SKI: variants seen among roughly 807,000 people sequenced by gnomAD.
The protein encoded by SKI is SKI proto-oncogene.
In SKI, 23 loss-of-function variants were observed where a neutral mutation model predicts 59.3. The observed-to-expected ratio is 0.39, with a 90% CI of 0.28 to 0.55. The LOEUF is 0.55. SKI is among the 20% of genes least tolerant of loss of function. The probability of loss-of-function intolerance (pLI) is 0.67; values close to 1 mark genes in which losing one functional copy is unlikely to be tolerated. For synonymous variants in SKI, 673 were observed against 488.6 expected (o/e 1.38, Z -4.98); for missense variants, 1,017 against 1,038.9 (o/e 0.98, Z 0.29).
rs1255283106 is a variant in SKI, at chr1:2,308,080, C to T, written c.*1315C>T. The T allele has an allele frequency of 6.6e-6, 1 of 152,368 alleles. No homozygotes were observed. Among genetic ancestry groups the T allele is most frequent in the Non-Finnish European group, 1.5e-5 (1 of 68,032 alleles). The allele number at this position is 152,368 out of a possible 1,614,324, so 9.4% of individuals were successfully genotyped here. On this transcript the variant is annotated 3_prime_UTR_variant, in exon 7 of 7. Coordinates refer to ENST00000378536, the MANE Select transcript of SKI (RefSeq NM_003036.4). Reference sequence around the variant, plus strand: ...TGTTTATGCAAATTGTATAAGGTTTCTTATGCCCAAGCTTGAAAAATGATT... The same window carrying T: ...TGTTTATGCAAATTGTATAAGGTTTTTTATGCCCAAGCTTGAAAAATGATT...
chr1:2,304,461 C>T lies in SKI; in HGVS notation c.1643C>T (p.Ala548Val). Residue 548 changes from alanine to valine, a missense_variant, in exon 5 of 7, where the codon GCA becomes GTA. Coordinates refer to ENST00000378536, the MANE Select transcript of SKI (RefSeq NM_003036.4). The stretch of plus-strand genomic sequence containing the variant: ...GCGGAGCTGGAGCACCTGCGGCAGG[C>T]ACTGGAGGGCGGCCTGGACACCAAG... Reference protein sequence around the residue: ...LEAELEHLRQALEGGLDTKEA... With the variant: ...LEAELEHLRQVLEGGLDTKEA... 1 of 1,569,018 alleles carries T rather than the reference C, an allele frequency of 6.4e-7. No individual in the cohort carries two copies. The highest frequency in any genetic ancestry group is 8.6e-7 in the Non-Finnish European group (1 of 1,158,438).
intron 1 of SKI, among the ~76,000 whole-genome samples, chr1:2,230,564 C>T (rs1638612448): frequency 6.6e-6 from 1 of 152,146 alleles, no homozygotes; most frequent in African/African-American, 2.4e-5. Context: ...GAGGGGTGCG[C>T]CGGAGAGGGA....
At chr1:2,230,030 C>T (rs919848964) in intron 1 of SKI, among the ~76,000 whole-genome samples, 1 of 152,194 alleles carries the variant, frequency 6.6e-6, no homozygotes, top group African/African-American at 2.4e-5. Flanking sequence ...AGGCATTGCC[C>T]AGATAGGAAG....
At position 2,301,578 on chromosome 1, in the gene SKI, A is replaced by G. The variant is rs1038047749; in HGVS notation, c.970-1400A>G. On this transcript the variant is annotated intron_variant, in intron 1 of 6. Transcript: ENST00000378536. The stretch of plus-strand genomic sequence containing the variant: ...TCTTCCCCCAGGGCCCTCCATCCCC[A>G]TAATTGGAGCACCTTGATGGACAGC... 2.7e-5 allele frequency among the ~76,000 whole-genome samples: 4 copies of G among 150,528 alleles called. No individual in the cohort carries two copies. In the East Asian group the frequency reaches 7.8e-4, roughly 30 times the overall value.
chr1:2,246,330 C>G (rs1413253926), intron 1 of SKI, among the ~76,000 whole-genome samples: 2 of 152,156 alleles, frequency 1.3e-5, no homozygotes, highest in African/African-American at 4.8e-5. Context: ...CTCCTATATC[C>G]TCTTTGAGGA....
intron 1 of SKI, among the ~76,000 whole-genome samples, chr1:2,273,367 GTCCCTA>G (rs1336044996): frequency 2.0e-5 from 3 of 152,294 alleles, no homozygotes; most frequent in Admixed American, 2.0e-4. Flanking sequence ...CAGCTGTGGG[GTCCCTA>G]TCCTGGTCAG....
chr1:2,271,968 T>A (rs1291826871), intron 1 of SKI, among the ~76,000 whole-genome samples: 1 of 152,164 alleles, frequency 6.6e-6, no homozygotes, highest in African/African-American at 2.4e-5. Context: ...GGCCACTGGC[T>A]GCTTTCTCGC....
chr1:2,254,929 G>C (rs1227905681), intron 1 of SKI, among the ~76,000 whole-genome samples: 1 of 152,194 alleles, frequency 6.6e-6, no homozygotes, highest in Non-Finnish European at 1.5e-5. Context: ...CTGTGCACTT[G>C]GGTGCAGGTG....
At chr1:2,242,686 A>T (rs1351930382) in intron 1 of SKI, among the ~76,000 whole-genome samples, 2 of 151,796 alleles carry the variant, frequency 1.3e-5, no homozygotes, top group Middle Eastern at 3.2e-3. Context: ...CGCCTGGCGG[A>T]TATTTTTTTT....
chr1:2,303,888 C>A lies in SKI; in HGVS notation c.1260C>A (p.Ala420=). 6.2e-7 allele frequency: 1 copy of A among 1,612,394 alleles called. No individual in the cohort carries two copies. The highest frequency in any genetic ancestry group is 2.2e-5 in the East Asian group (1 of 44,864). ...SFETAVAPNV[A]LAPPAQQKVV... ...AGACAGCCGTGGCGCCCAACGTGGC[C>A]CTCGCACCGCCGGCCCAGCAGAAGG... The change falls in exon 4 of 7, where the codon GCC becomes GCA. Residue 420 remains alanine, a synonymous_variant. Transcript: ENST00000378536. This position sits in a 1 kb window ranked among gnomAD's most constrained non-coding sequence, Gnocchi z 5.6.
intron 1 of SKI, among the ~76,000 whole-genome samples, chr1:2,249,478 T>C (rs1312096723): frequency 1.3e-5 from 2 of 152,236 alleles, no homozygotes; most frequent in Non-Finnish European, 2.9e-5. Flanking sequence ...TCTCTGCCTT[T>C]GGTGGTCCCG....
chr1:2,263,584 TTTC>T (rs1050319040), intron 1 of SKI, among the ~76,000 whole-genome samples: 6 of 152,184 alleles, frequency 3.9e-5, no homozygotes, highest in African/African-American at 1.2e-4. Flanking sequence ...TGTGTTTTTT[TTTC>T]TTCTTCTTCC....
Position 2,268,614 on chromosome 1 carries a change from C to T in SKI, c.970-34364C>T, listed in dbSNP as rs1463777082. Among the ~76,000 whole-genome samples, 2 of 152,168 alleles carry T rather than the reference C, an allele frequency of 1.3e-5. No individual in the cohort carries two copies. The highest frequency in any genetic ancestry group is 2.4e-5 in the African/African-American group (1 of 41,434). On this transcript the variant is annotated intron_variant, in intron 1 of 6. Coordinates refer to ENST00000378536, the MANE Select transcript of SKI (RefSeq NM_003036.4). This position sits in a 1 kb window ranked among gnomAD's most constrained non-coding sequence, Gnocchi z 5.0. The stretch of plus-strand genomic sequence containing the variant: ...AATTTTCTTGGCTGGCTTGACAGGT[C>T]CCCCTTTCCCTCACCATGGAGTTTC...
chr1:2,278,501 G>A (rs987005886), intron 1 of SKI, among the ~76,000 whole-genome samples: 1 of 152,204 alleles, frequency 6.6e-6, no homozygotes, highest in Non-Finnish European at 1.5e-5. Context: ...GCTGCGTGGT[G>A]TGCCTCCCCA....
intron 1 of SKI, among the ~76,000 whole-genome samples, chr1:2,289,810 C>G (rs915680368): frequency 6.6e-6 from 1 of 152,170 alleles, no homozygotes; most frequent in Non-Finnish European, 1.5e-5. Flanking sequence ...TTGTCCTCTT[C>G]CACCAAGAGC....
chr1:2,255,634 C>T (rs1002781864), intron 1 of SKI, among the ~76,000 whole-genome samples: 9 of 151,566 alleles, frequency 5.9e-5, no homozygotes, highest in African/African-American at 2.2e-4. Flanking sequence ...AACTGCATTT[C>T]CTGTCTGGAG....
chr1:2,256,120 C>T (rs1458024876), intron 1 of SKI, among the ~76,000 whole-genome samples: 2 of 151,774 alleles, frequency 1.3e-5, no homozygotes, highest in East Asian at 3.9e-4. Context: ...ACTCTTGTGT[C>T]CTGACCTCTT....
At chr1:2,290,267 C>T (rs1035447385) in intron 1 of SKI, among the ~76,000 whole-genome samples, 1 of 152,106 alleles carries the variant, frequency 6.6e-6, no homozygotes. Flanking sequence ...GAGAGGGCCT[C>T]CAGGGCACAG....
Position 2,268,292 on chromosome 1 carries a change from G to A in SKI, c.970-34686G>A, listed in dbSNP as rs1639542072. Reference sequence around the variant, plus strand: ...CTCCCAGGGGGCTGTGTAGCCAGGTGTCTCAGAGGGCTCAGGGCTCCTGGT... The same window carrying A: ...CTCCCAGGGGGCTGTGTAGCCAGGTATCTCAGAGGGCTCAGGGCTCCTGGT... On this transcript the variant is annotated intron_variant, in intron 1 of 6. Transcript: ENST00000378536. This position sits in a 1 kb window ranked among gnomAD's most constrained non-coding sequence, Gnocchi z 5.0. Among the ~76,000 whole-genome samples the A allele has an allele frequency of 6.6e-6, 1 of 152,204 alleles. No homozygotes were observed. The highest frequency in any genetic ancestry group is 1.5e-5 in the Non-Finnish European group (1 of 68,012).
Sources: allele counts gnomAD v4.1 joint callset (sites outside exome capture counted in the v4.1 genomes callset), GRCh38; gene constraint gnomAD v4.1.1; non-coding constraint Gnocchi (gnomAD v3.1); transcripts MANE v1.5; gene names NCBI Gene and HGNC (gene_info 2026-07-23, HGNC 2026-07-21).